Variants in DNER observed in about 807,000 individuals in gnomAD.
The protein encoded by DNER is delta/notch like EGF repeat containing.
Under a neutral mutation model 78.2 loss-of-function variants are expected in DNER, and 33 were observed. The ratio of observed to expected loss-of-function variants is 0.42; its 90% CI spans 0.32 to 0.56. The LOEUF (loss-of-function observed/expected upper bound fraction) is 0.56, where lower values mean the gene tolerates loss of function less well. Among genes scored for constraint, DNER ranks in the 20% least tolerant of loss-of-function variants. DNER has a pLI of 0.11. For synonymous variants in DNER, 417 were observed against 384.8 expected, an observed-to-expected ratio of 1.08 and a Z score of -0.98; for missense variants, 918 against 975.3, an observed-to-expected ratio of 0.94 and a Z score of 0.78.
intron 4 of DNER, among the ~76,000 whole-genome samples, chr2:229,567,806 T>C (rs1574907188): frequency 6.6e-6 from 1 of 152,204 alleles, no homozygotes; most frequent in Admixed American, 6.5e-5. Flanking sequence ...AATGTGACTA[T>C]CATCTCAGTA....
chr2:229,555,202 C>T (rs1429167764), intron 4 of DNER, among the ~76,000 whole-genome samples: 3 of 152,138 alleles, frequency 2.0e-5, no homozygotes, highest in Non-Finnish European at 4.4e-5. Flanking sequence ...TAATTGCTAT[C>T]TTCCTAAGAT....
In DNER at chr2:229,480,697, A is replaced by T. The variant is rs192498051; in HGVS notation, c.1148-3444T>A. Among the ~76,000 whole-genome samples the T allele has an allele frequency of 6.3e-4, 96 of 152,336 alleles. 1 individual carries two copies. Among genetic ancestry groups the T allele is most frequent in the African/African-American group, 2.2e-3 (91 of 41,586 alleles). On this transcript the variant is annotated intron_variant, in intron 6 of 12. Coordinates refer to ENST00000341772, the MANE Select transcript of DNER (RefSeq NM_139072.4). ...GGTAAAGATACTGAGGTCTTGCAGG[A>T]CTTGAGATGGCCTAATATATTAATA...
rs1574892372 is a variant in DNER, at chr2:229,540,046, T to TAAAGACATATAAGCATAAATCA, written c.993+6879_993+6900dup. ...AAGGGAATGCAAAAAATAATGAATA[T>TAAAGACATATAAGCATAAATCA]AAAGACATATAAGCATAAATCAAAA... is the stretch of plus-strand genomic sequence containing the variant. On this transcript the variant is annotated intron_variant, in intron 5 of 12. Coordinates refer to ENST00000341772, the MANE Select transcript of DNER (RefSeq NM_139072.4). Among the ~76,000 whole-genome samples the TAAAGACATATAAGCATAAATCA allele has an allele frequency of 3.3e-5, 5 of 152,196 alleles. No homozygotes were observed. In the East Asian group the frequency reaches 9.7e-4, roughly 29 times the overall value.
intron 6 of DNER, among the ~76,000 whole-genome samples, chr2:229,489,292 C>T (rs1356778091): frequency 1.3e-5 from 2 of 152,152 alleles, no homozygotes; most frequent in East Asian, 1.9e-4. Flanking sequence ...GATGGAGAGT[C>T]ATCATAAATA....
intron 1 of DNER, among the ~76,000 whole-genome samples, chr2:229,683,399 C>T (rs1699421671): frequency 6.6e-6 from 1 of 152,126 alleles, no homozygotes; most frequent in Admixed American, 6.5e-5. Context: ...TCAGCATTCA[C>T]CAAGAAATCA....
At chr2:229,437,826 T>A (rs6436867) in intron 8 of DNER, among the ~76,000 whole-genome samples, 76,628 of 151,968 alleles carry the variant, frequency 0.5, 20,170 homozygotes, top group East Asian at 0.68. Context: ...AGAAACAACA[T>A]CAAAGGAATC....
chr2:229,456,598 T>G (rs930558657), intron 7 of DNER, among the ~76,000 whole-genome samples: 8 of 151,936 alleles, frequency 5.3e-5, no homozygotes, highest in Non-Finnish European at 8.8e-5. Flanking sequence ...GGGACCAGCC[T>G]CTTCTGCAGC....
intron 1 of DNER, among the ~76,000 whole-genome samples, chr2:229,666,653 A>G (rs1445819712): frequency 6.6e-6 from 1 of 152,256 alleles, no homozygotes; most frequent in Non-Finnish European, 1.5e-5. Flanking sequence ...ATGTAACAAC[A>G]TGATGGAGGA....
In DNER at chr2:229,499,445, A is replaced by AG. The variant is rs1486843840; in HGVS notation, c.1147+13337_1147+13338insC. Among the ~76,000 whole-genome samples the AG allele has an allele frequency of 4.3e-5, 4 of 93,720 alleles. No individual in the cohort carries two copies. The East Asian group carries it at 8.0e-4, about 19-fold the overall frequency. The allele number at this position is 93,720 out of a possible 152,430, so 61.5% of individuals were successfully genotyped here. ...GAGCAACACAGCAAGACTCCAACTC[A>AG]AAAAAAAAAAAAAAAAGGAAATTTA... On this transcript the variant is annotated intron_variant, in intron 6 of 12. Transcript: ENST00000341772.
At chr2:229,459,544 T>C (rs1432683771) in intron 7 of DNER, among the ~76,000 whole-genome samples, 2 of 152,096 alleles carry the variant, frequency 1.3e-5, no homozygotes, top group Non-Finnish European at 2.9e-5. Flanking sequence ...TCTACCACCA[T>C]CTACTTTTTA....
At position 229,534,137 on chromosome 2, in the gene DNER, G is replaced by GAGATTGTAATGAAACAGACCAAT. The variant is rs1696359541; in HGVS notation, c.993+12787_993+12809dup. On this transcript the variant is annotated intron_variant, in intron 5 of 12. Coordinates refer to ENST00000341772, the MANE Select transcript of DNER (RefSeq NM_139072.4). ...AATAGATTGTAATGAAACAGGCCAAGAGATTGTAATGAAACAGACCAATAG... is the reference window on the plus strand; with the variant it reads ...AATAGATTGTAATGAAACAGGCCAAGAGATTGTAATGAAACAGACCAATAGATTGTAATGAAACAGACCAATAG... Among the ~76,000 whole-genome samples, 3 of 152,004 alleles carry GAGATTGTAATGAAACAGACCAAT rather than the reference G, an allele frequency of 2.0e-5. No individual in the cohort carries two copies. The East Asian group carries it at 5.8e-4, about 30-fold the overall frequency.
intron 1 of DNER, among the ~76,000 whole-genome samples, chr2:229,638,412 C>G (rs1698562057): frequency 6.6e-6 from 1 of 152,134 alleles, no homozygotes; most frequent in Admixed American, 6.5e-5. Context: ...GAAATAGACA[C>G]AAATGCATGA....
chr2:229,402,692 G>A (rs1176540674), intron 10 of DNER, among the ~76,000 whole-genome samples: 1 of 152,196 alleles, frequency 6.6e-6, no homozygotes, highest in Non-Finnish European at 1.5e-5. Context: ...GTTACCTTAT[G>A]TCCAGTCTAT....
chr2:229,514,336 T>C (rs901365932), intron 5 of DNER, among the ~76,000 whole-genome samples: 4 of 152,148 alleles, frequency 2.6e-5, no homozygotes, highest in Non-Finnish European at 5.9e-5. Context: ...TCCATAACAA[T>C]TGCAAATAGT....
At chr2:229,424,560 G>A (rs796307875) in intron 8 of DNER, among the ~76,000 whole-genome samples, 6 of 152,044 alleles carry the variant, frequency 3.9e-5, no homozygotes, top group East Asian at 3.9e-4. Context: ...GCTTGCAGAC[G>A]GCCGCCTTCT....
chr2:229,471,169 T>G (rs1270804685), intron 7 of DNER, among the ~76,000 whole-genome samples: 2 of 152,022 alleles, frequency 1.3e-5, no homozygotes, highest in African/African-American at 4.8e-5. Context: ...ATCCCAAAAC[T>G]ATATCACCCT....
intron 1 of DNER, among the ~76,000 whole-genome samples, chr2:229,611,147 A>T (rs2154215182): frequency 6.6e-6 from 1 of 152,386 alleles, no homozygotes; most frequent in East Asian, 1.9e-4. Context: ...ACAGGCACAT[A>T]GTCCCAGCAG....
chr2:229,489,109 T>C (rs988667507), intron 6 of DNER, among the ~76,000 whole-genome samples: 2 of 152,260 alleles, frequency 1.3e-5, no homozygotes, highest in Non-Finnish European at 2.9e-5. Flanking sequence ...TTGGGCAATC[T>C]GGCCTCCCGG....
chr2:229,651,651 G>A (rs1264142963), intron 1 of DNER, among the ~76,000 whole-genome samples: 1 of 152,328 alleles, frequency 6.6e-6, no homozygotes. Context: ...AGCAAGTGAG[G>A]ATAAAAGACA....
Sources: allele counts gnomAD v4.1 joint callset (sites outside exome capture counted in the v4.1 genomes callset), GRCh38; gene constraint gnomAD v4.1.1; transcripts MANE v1.5; gene names NCBI Gene and HGNC (gene_info 2026-07-23, HGNC 2026-07-21).